Variants in CENPP observed in about 807,000 individuals in gnomAD.
The protein encoded by CENPP is centromere protein P.
Under a neutral mutation model 35.6 loss-of-function variants are expected in CENPP, and 24 were observed. The observed-to-expected ratio is 0.67, with a 90% CI of 0.49 to 0.95. CENPP has a LOEUF of 0.95. CENPP is among the 40% of genes least tolerant of loss of function. The pLI, the probability that CENPP is intolerant of heterozygous loss-of-function variation, is 0.00. For missense variants in CENPP, 332 were observed against 345.3 expected, an observed-to-expected ratio of 0.96 and a Z score of 0.31; for synonymous variants, 120 against 125.5, an observed-to-expected ratio of 0.96 and a Z score of 0.29.
At chr9:92,417,722 A>G (rs964876194) in intron 5 of CENPP, 2 of 515,018 alleles carry the variant, frequency 3.9e-6, no homozygotes, top group African/African-American at 3.9e-5. Context: ...TCAAACCAAA[A>G]TTTTTTTCTT....
At chr9:92,531,013 T>C (rs1218392763) in intron 5 of CENPP, among the ~76,000 whole-genome samples, 1 of 152,214 alleles carries the variant, frequency 6.6e-6, no homozygotes, top group Non-Finnish European at 1.5e-5. Context: ...GCTGTCTTTC[T>C]ATATTTTTAT....
chr9:92,385,899 C>T, intron 5 of CENPP: 1 of 958,806 alleles, frequency 1.0e-6, no homozygotes, highest in Non-Finnish European at 1.6e-6. Flanking sequence ...CCCCTCACTT[C>T]AAATCCTTGT....
At chr9:92,453,858 G>A (rs928115732) in intron 5 of CENPP, among the ~76,000 whole-genome samples, 3 of 152,002 alleles carry the variant, frequency 2.0e-5, no homozygotes, top group Non-Finnish European at 2.9e-5. Flanking sequence ...GGTGGCTCAC[G>A]CCTGTAATCC....
rs111691629 is a variant in CENPP at position 92,429,644 on chromosome 9, GAGCGTGGTGGT to G, written c.564+49788_564+49798del. On this transcript the variant is annotated intron_variant, in intron 5 of 7. Transcript: ENST00000375587. ...TGTACTAAAAATACAAAAATTAGCC[GAGCGTGGTGGT>G]AGGCGCCTATAATCCCAGCTACTTG... Among the ~76,000 whole-genome samples the G allele has an allele frequency of 1.1e-4, 16 of 152,094 alleles. 1 individual carries two copies. The highest frequency in any genetic ancestry group is 3.9e-4 in the African/African-American group (16 of 41,502).
At chr9:92,419,102 G>A (rs1193129123) in intron 5 of CENPP, among the ~76,000 whole-genome samples, 1 of 152,056 alleles carries the variant, frequency 6.6e-6, no homozygotes, top group African/African-American at 2.4e-5. Context: ...TTGCAAAAGG[G>A]CACACTTCAC....
chr9:92,536,202 A>G (rs1849154438), intron 5 of CENPP: 14 of 364,804 alleles, frequency 3.8e-5, no homozygotes, highest in South Asian at 2.9e-4. Flanking sequence ...AAAGTAGAAA[A>G]CAGCAGTGGG....
intron 5 of CENPP, among the ~76,000 whole-genome samples, chr9:92,401,621 G>A (rs555292114): frequency 1.3e-5 from 2 of 152,254 alleles, no homozygotes; most frequent in African/African-American, 2.4e-5. Context: ...CATGTCACAA[G>A]TATAAACTAC....
intron 2 of CENPP, among the ~76,000 whole-genome samples, chr9:92,336,708 A>G (rs1840941591): frequency 6.6e-6 from 1 of 152,196 alleles, no homozygotes; most frequent in African/African-American, 2.4e-5. Context: ...GGAACCTTAT[A>G]GGTTCTGTAA....
intron 5 of CENPP, chr9:92,496,296 A>G (rs773736567): frequency 6.4e-7 from 1 of 1,564,822 alleles, no homozygotes; most frequent in Non-Finnish European, 8.6e-7. Context: ...GTTTATAAAC[A>G]GCAAAGGAAA....
At chr9:92,452,597 G>T (rs1018776986) in intron 5 of CENPP, among the ~76,000 whole-genome samples, 1 of 152,148 alleles carries the variant, frequency 6.6e-6, no homozygotes, top group African/African-American at 2.4e-5. Context: ...TTGGTATCAG[G>T]ATGATGCTGG....
chr9:92,584,590 C>A (rs1850500238), intron 5 of CENPP, among the ~76,000 whole-genome samples: 1 of 152,178 alleles, frequency 6.6e-6, no homozygotes, highest in Non-Finnish European at 1.5e-5. Flanking sequence ...ACCCTCCCAC[C>A]TCAGCCTCCC....
rs138910348 is a variant in CENPP at position 92,343,960 on chromosome 9, C to T, written c.379-1739C>T. ...CCTGGGCAATAGAGCAAAACCCTGT[C>T]TCAAAAAAAAAAAAAAAAAAAAAAA... On this transcript the variant is annotated intron_variant, in intron 3 of 7. Coordinates refer to ENST00000375587, the MANE Select transcript of CENPP (RefSeq NM_001012267.3). Among the ~76,000 whole-genome samples, 130 of 93,664 alleles carry T rather than the reference C, an allele frequency of 1.4e-3. 5 individuals carry two copies. The South Asian group carries it at 0.051, about 37-fold the overall frequency. 61.4% of individuals were successfully genotyped at this position (93,664 alleles called of 152,430 possible). A position where few individuals can be genotyped will look rare whatever the true frequency, so the allele number is the denominator to read the frequency against.
chr9:92,426,493 G>A (rs761862284), intron 5 of CENPP, among the ~76,000 whole-genome samples: 1 of 152,048 alleles, frequency 6.6e-6, no homozygotes, highest in Non-Finnish European at 1.5e-5. Flanking sequence ...TTATAGAGAA[G>A]GAAAACAGAA....
At position 92,618,719 on chromosome 9, in the gene CENPP, T is replaced by C. The variant is rs1473546251; in HGVS notation, c.*5570T>C. 7 of 367,972 alleles carry C rather than the reference T, an allele frequency of 1.9e-5. No individual in the cohort carries two copies. Among genetic ancestry groups the C allele is most frequent in the Admixed American group, 1.0e-4 (3 of 29,734 alleles). The allele number at this position is 367,972 out of a possible 1,614,324, so 22.8% of individuals were successfully genotyped here. On this transcript the variant is annotated 3_prime_UTR_variant, in exon 8 of 8. Coordinates refer to ENST00000375587, the MANE Select transcript of CENPP (RefSeq NM_001012267.3). ...CTATAATGTTCCTCAGTATTTCATATTGGAAAGTAAACAATTCTGTGCCTG... is the reference window on the plus strand; with the variant it reads ...CTATAATGTTCCTCAGTATTTCATACTGGAAAGTAAACAATTCTGTGCCTG...
In CENPP at chr9:92,382,760, G is replaced by A. The variant is rs76303934; in HGVS notation, c.564+2901G>A. Among the ~76,000 whole-genome samples, 534 of 152,066 alleles carry A rather than the reference G, an allele frequency of 3.5e-3. 5 individuals are homozygous for A. The highest frequency in any genetic ancestry group is 0.012 in the African/African-American group (508 of 41,504). On this transcript the variant is annotated intron_variant, in intron 5 of 7. Transcript: ENST00000375587. ...CAGCACCATTGTTGAAGAGACTGGC[G>A]TTCTCCACTGAATGGTCTTTGTACT...
At chr9:92,573,112 T>C (rs1405742692) in intron 5 of CENPP, among the ~76,000 whole-genome samples, 2 of 152,232 alleles carry the variant, frequency 1.3e-5, no homozygotes, top group Non-Finnish European at 2.9e-5. Flanking sequence ...TCAAAGTCAT[T>C]CTCCGTCCAG....
chr9:92,345,359 C>T (rs1312044794), intron 3 of CENPP, among the ~76,000 whole-genome samples: 3 of 151,464 alleles, frequency 2.0e-5, no homozygotes, highest in South Asian at 4.2e-4. Flanking sequence ...GTGGTGGGCA[C>T]CTGTTGTCCC....
intron 5 of CENPP, chr9:92,457,497 G>A (rs199975126): frequency 3.2e-6 from 5 of 1,571,120 alleles, no homozygotes. Flanking sequence ...TGTTGTAGTA[G>A]GAAAAAAGAA....
At position 92,569,753 on chromosome 9, in the gene CENPP, C is replaced by T. The variant is rs548606882; in HGVS notation, c.565-41561C>T. 9.9e-5 allele frequency among the ~76,000 whole-genome samples: 15 copies of T among 152,240 alleles called. 1 individual carries two copies. Among genetic ancestry groups the T allele is most frequent in the South Asian group, 8.3e-4 (4 of 4,818 alleles). On this transcript the variant is annotated intron_variant, in intron 5 of 7. Coordinates refer to ENST00000375587, the MANE Select transcript of CENPP (RefSeq NM_001012267.3). ...CATTTGTTTGTGTCCCTTTTTATTT[C>T]GTTGAGCAGTGGTTTGTAGTTCTCC... is the stretch of plus-strand genomic sequence containing the variant.
Sources: allele counts gnomAD v4.1 joint callset (sites outside exome capture counted in the v4.1 genomes callset), GRCh38; gene constraint gnomAD v4.1.1; transcripts MANE v1.5; gene names NCBI Gene and HGNC (gene_info 2026-07-23, HGNC 2026-07-21).